The following MDN1 variants were observed in gnomAD, a reference collection of about 807,000 sequenced individuals.
MDN1 encodes the protein midasin AAA ATPase 1.
Under a neutral mutation model 669.2 loss-of-function variants are expected in MDN1, and 266 were observed. That is an observed-to-expected ratio of 0.40 (90% CI 0.36 to 0.44). The LOEUF is 0.44. MDN1 is among the 20% of genes least tolerant of loss of function. The probability of loss-of-function intolerance (pLI) is 1.00; values close to 1 mark genes in which losing one functional copy is unlikely to be tolerated. For missense variants in MDN1, 5,940 were observed against 6,754.0 expected, an observed-to-expected ratio of 0.88 and a Z score of 4.22; for synonymous variants, 2,385 against 2,457.1, an observed-to-expected ratio of 0.97 and a Z score of 0.87.
At chr6:89,819,391 C>G in intron 1 of MDN1, 115 bp downstream of exon 1, 1 of 997,222 alleles carries the variant, frequency 1.0e-6, no homozygotes, top group Middle Eastern at 2.1e-4. Context: ...CCAGCTTGAC[C>G]TGAGGCTGCA....
Position 89,793,929 on chromosome 6 carries a change from C to A in MDN1, c.688G>T (p.Asp230Tyr). The change falls in exon 5 of 102, where the codon GAC becomes TAC. Residue 230 changes from aspartate to tyrosine, a missense_variant. Transcript: ENST00000369393. ...LRLLEEAQLQ[D>Y]LEKALVLANP... The stretch of plus-strand genomic sequence containing the variant: ...GCCAAAACCAAGGCCTTCTCCAAGT[C>A]CTGCAACTGGGCCTCTTCTAATAAC... 6.2e-7 allele frequency: 1 copy of A among 1,613,666 alleles called. No homozygotes were observed. Among genetic ancestry groups the A allele is most frequent in the South Asian group, 1.1e-5 (1 of 91,060 alleles).
At chr6:89,726,482 G>GAAAAAAAAAAAAAAGAAAAAAA (rs1815247251) in intron 37 of MDN1, among the ~76,000 whole-genome samples, 1 of 90,944 alleles carries the variant, frequency 1.1e-5, no homozygotes, top group African/African-American at 4.1e-5. Flanking sequence ...AAGAAAAATA[G>GAAAAAAAAAAAAAAGAAAAAAA]AAAAAAAAAA....
At chr6:89,689,662 C>T (rs999443306) in intron 65 of MDN1, among the ~76,000 whole-genome samples, 2 of 152,094 alleles carry the variant, frequency 1.3e-5, no homozygotes, top group Non-Finnish European at 1.5e-5. Context: ...TTTTCTTGGC[C>T]CATTTGTACA....
chr6:89,772,605 G>T lies in MDN1; in HGVS notation c.2051C>A (p.Thr684Asn). 6.2e-7 allele frequency: 1 copy of T among 1,614,080 alleles called. No homozygotes were observed. Among genetic ancestry groups the T allele is most frequent in the Admixed American group, 1.7e-5 (1 of 60,002 alleles). Reference protein sequence around the residue: ...LLVGETGTGKTSTIQYLAHIT... With the variant: ...LLVGETGTGKNSTIQYLAHIT... The stretch of plus-strand genomic sequence containing the variant: ...GTGAGCCAAGTATTGGATGGTAGAG[G>T]TTTTGCCAGTCCCGGTCTCTCCCAC... The change falls in exon 14 of 102, where the codon ACC becomes AAC. Residue 684 changes from threonine (T) to asparagine (N), a missense_variant. Physicochemically the swap from Thr to Asn is moderately conservative, Grantham distance 65. Coordinates refer to ENST00000369393, the MANE Select transcript of MDN1 (RefSeq NM_014611.3).
At chr6:89,784,467 C>A (rs1381832555) in intron 9 of MDN1, among the ~76,000 whole-genome samples, 1 of 152,116 alleles carries the variant, frequency 6.6e-6, no homozygotes, top group Admixed American at 6.5e-5. Flanking sequence ...AGATAAAGCA[C>A]TGGGGAAGGG....
At chr6:89,774,799 G>T in intron 12 of MDN1, 66 bp from the exon 13 acceptor site, 1 of 1,085,452 alleles carries the variant, frequency 9.2e-7, no homozygotes, top group Non-Finnish European at 1.4e-6. Context: ...CTCATCCAGA[G>T]GCTTATTTTG....
intron 24 of MDN1, 100 bp downstream of exon 24, chr6:89,750,254 G>A (rs759367388): frequency 1.5e-5 from 19 of 1,230,094 alleles, no homozygotes; most frequent in Non-Finnish European, 1.1e-6. Flanking sequence ...TTACAGCAAA[G>A]GTCCATGTGC....
Position 89,787,847 on chromosome 6 carries a change from T to C in MDN1, c.1334+7A>G. Reference sequence around the variant, plus strand: ...AGAGTGAAAACAGAAAGGTTACTAGTACATACCTCCTGGTTGCAAAAAACT... The same window carrying C: ...AGAGTGAAAACAGAAAGGTTACTAGCACATACCTCCTGGTTGCAAAAAACT... On this transcript the variant is annotated splice_region_variant and intron_variant, in intron 8 of 101. Transcript: ENST00000369393. 1 of 1,607,822 alleles carries C rather than the reference T, an allele frequency of 6.2e-7. No homozygotes were observed.
At chr6:89,739,608 T>C (rs1200868185) in intron 32 of MDN1, among the ~76,000 whole-genome samples, 2 of 152,190 alleles carry the variant, frequency 1.3e-5, no homozygotes, top group African/African-American at 4.8e-5. Flanking sequence ...ATCCAACACA[T>C]AGTGCTGACT....
chr6:89,663,038 G>A, intron 85 of MDN1, 71 bp from the exon 86 acceptor site: 1 of 1,559,662 alleles, frequency 6.4e-7, no homozygotes, highest in Non-Finnish European at 8.8e-7. Context: ...AGAGAGGTGT[G>A]GACCCGCTTC....
At chr6:89,674,069 C>A in intron 79 of MDN1, 35 bp downstream of exon 79, 1 of 1,603,326 alleles carries the variant, frequency 6.2e-7, no homozygotes. Context: ...AGGACCTAAG[C>A]ACACAGAGAA....
chr6:89,769,242 C>T (rs893930163), intron 15 of MDN1, among the ~76,000 whole-genome samples: 2 of 152,136 alleles, frequency 1.3e-5, no homozygotes, highest in Admixed American at 6.6e-5. Context: ...ATTCCCTTGC[C>T]TTTTTAAAAA....
At chr6:89,714,791 TC>T (rs771887335) in intron 45 of MDN1, 40 bp from the exon 46 acceptor site, 18 of 1,548,498 alleles carry the variant, frequency 1.2e-5, no homozygotes, top group Middle Eastern at 1.7e-4. Flanking sequence ...TGATTTTAAA[TC>T]CCAGTGCAAC....
intron 84 of MDN1, among the ~76,000 whole-genome samples, chr6:89,666,741 A>G (rs1004546514): frequency 4.6e-5 from 7 of 152,220 alleles, no homozygotes; most frequent in Non-Finnish European, 1.0e-4. Context: ...AGTCCAAGTC[A>G]TGGCTGCAGT....
At chr6:89,804,076 ATTTGT>A (rs551382686) in intron 1 of MDN1, among the ~76,000 whole-genome samples, 12 of 147,872 alleles carry the variant, frequency 8.1e-5, no homozygotes, top group Admixed American at 2.7e-4. Flanking sequence ...TTTTGTTTTG[ATTTGT>A]TTTGTTTTAG....
chr6:89,698,637 T>C (rs1584218181), intron 59 of MDN1, among the ~76,000 whole-genome samples: 1 of 152,196 alleles, frequency 6.6e-6, no homozygotes, highest in African/African-American at 2.4e-5. Context: ...TTAGAAAAAA[T>C]AGACTTTTTC....
chr6:89,805,521 GACAA>G (rs1214549578), intron 1 of MDN1, among the ~76,000 whole-genome samples: 3 of 152,100 alleles, frequency 2.0e-5, no homozygotes, highest in Non-Finnish European at 4.4e-5. Flanking sequence ...CAGCCTGGGT[GACAA>G]ACAGTTAAAG....
intron 15 of MDN1, among the ~76,000 whole-genome samples, chr6:89,765,154 A>C (rs577941493): frequency 7.9e-5 from 12 of 152,240 alleles, no homozygotes; most frequent in Non-Finnish European, 1.6e-4. Flanking sequence ...GCTACTCGGG[A>C]GGCTGAGGCA....
intron 88 of MDN1, among the ~76,000 whole-genome samples, chr6:89,661,058 C>CTATA (rs1471859147): frequency 2.6e-5 from 4 of 152,180 alleles, no homozygotes; most frequent in African/African-American, 9.7e-5. Flanking sequence ...CCTAAAAAAG[C>CTATA]TATAACTGGA....
Sources: allele counts gnomAD v4.1 joint callset (sites outside exome capture counted in the v4.1 genomes callset), GRCh38; gene constraint gnomAD v4.1.1; transcripts MANE v1.5; gene names NCBI Gene and HGNC (gene_info 2026-07-23, HGNC 2026-07-21).